CBLB: variants seen among roughly 807,000 people sequenced by gnomAD.
The protein encoded by CBLB is Cbl proto-oncogene B, also known as E3 ubiquitin-protein ligase CBL-B.
Under a neutral mutation model 104.9 loss-of-function variants are expected in CBLB, and 31 were observed. The observed-to-expected ratio is 0.30, with a 90% confidence interval of 0.22 to 0.40. The LOEUF is 0.40. Among genes scored for constraint, CBLB ranks in the 10% least tolerant of loss-of-function variants. The pLI is 1.00. For missense variants in CBLB, 1,062 were observed against 1,214.6 expected (o/e 0.87, Z 1.87); for synonymous variants, 440 against 422.6 (o/e 1.04, Z -0.51).
Position 105,741,460 on chromosome 3 carries a change from A to AT in CBLB, c.846-830dup, listed in dbSNP as rs2075571038. Among the ~76,000 whole-genome samples, 4 of 152,192 alleles carry AT rather than the reference A, an allele frequency of 2.6e-5. No homozygotes were observed. The South Asian group carries it at 8.3e-4, about 32-fold the overall frequency. ...GCCCATGCTGGAGTGCAGTGGCGCA[A>AT]TCACGGCTCACTGCAAGCTCCGCCT... On this transcript the variant is annotated intron_variant, in intron 6 of 18. Transcript: ENST00000394030.
In CBLB at chr3:105,775,028, A is replaced by G. The variant is rs566834499; in HGVS notation, c.566+1368T>C. On this transcript the variant is annotated intron_variant, in intron 4 of 18. Transcript: ENST00000394030. Reference sequence around the variant, plus strand: ...CAAGATTGTTCTGCTTTCTACAATTAATAAATATTTAATTAGTATAGTCTT... The same window carrying G: ...CAAGATTGTTCTGCTTTCTACAATTGATAAATATTTAATTAGTATAGTCTT... Among the ~76,000 whole-genome samples, 241 of 152,314 alleles carry G rather than the reference A, an allele frequency of 1.6e-3. 1 individual carries two copies. Among genetic ancestry groups the G allele is most frequent in the African/African-American group, 4.4e-3 (182 of 41,584 alleles).
chr3:105,675,650 G>A (rs1340590639), intron 17 of CBLB, among the ~76,000 whole-genome samples: 1 of 152,088 alleles, frequency 6.6e-6, no homozygotes, highest in Non-Finnish European at 1.5e-5. Flanking sequence ...TTGGGAGGTT[G>A]AAGCAGGGGG....
chr3:105,809,753 T>C (rs2084025193), intron 3 of CBLB, among the ~76,000 whole-genome samples: 1 of 152,196 alleles, frequency 6.6e-6, no homozygotes, highest in Non-Finnish European at 1.5e-5. Flanking sequence ...TTATCTACTT[T>C]CTCAAACAGA....
At chr3:105,749,130 T>C (rs1013424786) in intron 5 of CBLB, among the ~76,000 whole-genome samples, 3 of 152,186 alleles carry the variant, frequency 2.0e-5, no homozygotes, top group Non-Finnish European at 4.4e-5. Context: ...AGTTAAACCA[T>C]CTACTTCTCT....
intron 10 of CBLB, among the ~76,000 whole-genome samples, chr3:105,716,427 A>AC (rs1358954090): frequency 2.0e-5 from 3 of 152,218 alleles, no homozygotes; most frequent in Non-Finnish European, 4.4e-5. Flanking sequence ...CCCTGGCCTT[A>AC]AAGACAGTCC....
At chr3:105,703,962 C>G in intron 11 of CBLB, 26 bp downstream of exon 11, 2 of 1,599,938 alleles carry the variant, frequency 1.3e-6, no homozygotes, top group Non-Finnish European at 1.7e-6. Context: ...AAATTTTCAT[C>G]TGTGTTTCTA....
chr3:105,736,585 C>CA (rs2074971886), intron 8 of CBLB, among the ~76,000 whole-genome samples: 1 of 151,986 alleles, frequency 6.6e-6, no homozygotes, highest in Non-Finnish European at 1.5e-5. Flanking sequence ...TTCGCTTTTA[C>CA]AAAAAATATT....
chr3:105,692,211 G>A lies in CBLB; in HGVS notation c.2054+1283C>T, dbSNP rs116681148. Among the ~76,000 whole-genome samples the A allele has an allele frequency of 6.7e-3, 1,025 of 152,186 alleles. 14 individuals are homozygous for A. Among genetic ancestry groups the A allele is most frequent in the African/African-American group, 0.023 (969 of 41,522 alleles). ...TTAAATCAATAAACCAAGCATCCAC[G>A]TATTCTCTGTGTACTTACTTACTAT... is the stretch of plus-strand genomic sequence containing the variant. On this transcript the variant is annotated intron_variant, in intron 13 of 18. Coordinates refer to ENST00000394030, the MANE Select transcript of CBLB (RefSeq NM_170662.5).
chr3:105,831,862 T>A (rs573400267), intron 3 of CBLB, among the ~76,000 whole-genome samples: 3 of 151,814 alleles, frequency 2.0e-5, no homozygotes, highest in Admixed American at 6.6e-5. Context: ...GAAGTTTAAA[T>A]GTTATTCAAG....
Position 105,745,976 on chromosome 3 carries a change from T to A in CBLB, c.786A>T (p.Ala262=). The A allele has an allele frequency of 6.2e-7, 1 of 1,611,560 alleles. No individual in the cohort carries two copies. Among genetic ancestry groups the A allele is most frequent in the South Asian group, 1.1e-5 (1 of 91,058 alleles). The change falls in exon 6 of 19, where the codon GCA becomes GCT. Residue 262 remains alanine, a synonymous_variant. Coordinates refer to ENST00000394030, the MANE Select transcript of CBLB (RefSeq NM_170662.5). ...CTTTAACTTCATCATATGTGAGAAA[T>A]GCCATGTAACCTGGATGTGTCACAG... ...FLAVTHPGYM[A]FLTYDEVKAR...
chr3:105,743,445 G>A (rs9821956), intron 6 of CBLB, among the ~76,000 whole-genome samples: 43,392 of 142,774 alleles, frequency 0.3, 6,803 homozygotes, highest in Admixed American at 0.44. Context: ...GGTGAACACA[G>A]TGAGACTCTG....
chr3:105,809,488 A>G (rs2083971050), intron 3 of CBLB, among the ~76,000 whole-genome samples: 1 of 152,116 alleles, frequency 6.6e-6, no homozygotes, highest in Admixed American at 6.6e-5. Flanking sequence ...TACAAACAGC[A>G]CCTTGAGACT....
chr3:105,827,492 ATG>A (rs72336872), intron 3 of CBLB, among the ~76,000 whole-genome samples: 11 of 150,584 alleles, frequency 7.3e-5, no homozygotes, highest in Non-Finnish European at 7.4e-5. Context: ...ACCAGTGTGT[ATG>A]TGTGTGTGTG....
intron 3 of CBLB, among the ~76,000 whole-genome samples, chr3:105,836,689 C>T (rs1270147403): frequency 6.6e-6 from 1 of 152,148 alleles, no homozygotes; most frequent in Non-Finnish European, 1.5e-5. Context: ...AGATTACTGA[C>T]ATCCCACACT....
chr3:105,780,845 G>A (rs1202845399), intron 3 of CBLB, among the ~76,000 whole-genome samples: 1 of 151,670 alleles, frequency 6.6e-6, no homozygotes, highest in African/African-American at 2.4e-5. Flanking sequence ...TGTAGTTTTA[G>A]TAGAGACAGG....
chr3:105,682,109 T>C (rs113072088), intron 14 of CBLB: 1 of 325,674 alleles, frequency 3.1e-6, no homozygotes, highest in East Asian at 6.4e-5. Context: ...CTTATCTCTG[T>C]GGAAGAATTC....
intron 16 of CBLB, among the ~76,000 whole-genome samples, chr3:105,680,135 G>C (rs2066137323): frequency 6.6e-6 from 1 of 152,212 alleles, no homozygotes; most frequent in Non-Finnish European, 1.5e-5. Context: ...GATGAGGAAA[G>C]AGAAATGTAG....
chr3:105,664,008 T>C (rs565946629), intron 18 of CBLB, among the ~76,000 whole-genome samples: 5 of 151,932 alleles, frequency 3.3e-5, no homozygotes, highest in Non-Finnish European at 5.9e-5. Context: ...TTTAAAGAAC[T>C]GAGGATATTT....
At chr3:105,756,046 A>C (rs1576915862) in intron 4 of CBLB, among the ~76,000 whole-genome samples, 1 of 152,306 alleles carries the variant, frequency 6.6e-6, no homozygotes, top group African/African-American at 2.4e-5. Flanking sequence ...AAGGGATTAT[A>C]AGTGATTTCA....
Sources: gnomAD v4.1 joint callset for allele counts (sites outside exome capture counted in the v4.1 genomes callset) on GRCh38, gnomAD v4.1.1 for gene constraint, MANE v1.5 for transcripts, NCBI Gene and HGNC (gene_info 2026-07-23, HGNC 2026-07-21) for gene names.